Variants in FOXN3 observed in about 807,000 individuals in gnomAD.
FOXN3 encodes the protein forkhead box protein N3.
A neutral mutation model predicts 38.4 loss-of-function variants in FOXN3; 7 were observed. That is an observed-to-expected ratio of 0.18 (90% CI 0.10 to 0.34). The LOEUF (loss-of-function observed/expected upper bound fraction) is 0.34, where lower values mean the gene tolerates loss of function less well. FOXN3 is among the 10% of genes least tolerant of loss of function. FOXN3 has a pLI of 1.00. For synonymous variants in FOXN3, 230 were observed against 242.2 expected, an observed-to-expected ratio of 0.95 and a Z score of 0.47; for missense variants, 456 against 613.4, an observed-to-expected ratio of 0.74 and a Z score of 2.71.
intron 4 of FOXN3, among the ~76,000 whole-genome samples, chr14:89,209,182 G>T (rs542242013): frequency 1.3e-5 from 2 of 152,344 alleles, no homozygotes; most frequent in African/African-American, 4.8e-5. Flanking sequence ...CACAGAACCA[G>T]CTGTAGTTAC....
chr14:89,415,351 C>T (rs1377380918), intron 1 of FOXN3, among the ~76,000 whole-genome samples: 4 of 152,226 alleles, frequency 2.6e-5, no homozygotes, highest in Non-Finnish European at 5.9e-5. Flanking sequence ...GGAACTAACA[C>T]GCTATTCTCC....
chr14:89,522,123 T>C (rs1894332788), intron 1 of FOXN3, among the ~76,000 whole-genome samples: 1 of 151,888 alleles, frequency 6.6e-6, no homozygotes, highest in African/African-American at 2.4e-5. Context: ...TGTATCTTTA[T>C]TGCTCTGAAA....
rs1164015155 is a variant in FOXN3 at position 89,164,384 on chromosome 14, G to A, written c.852-1415C>T. 6.6e-6 allele frequency among the ~76,000 whole-genome samples: 1 copy of A among 152,194 alleles called. No individual in the cohort carries two copies. Among genetic ancestry groups the A allele is most frequent in the East Asian group, 1.9e-4 (1 of 5,198 alleles). On this transcript the variant is annotated intron_variant, in intron 5 of 5. Transcript: ENST00000557258. This position sits in a 1 kb window ranked among gnomAD's most constrained non-coding sequence, Gnocchi z 4.3. ...TGGCACCATGCTGGCCCGGTTTCCT[G>A]TAAGCTCATCTACCTCGTGATCCAT...
intron 3 of FOXN3, among the ~76,000 whole-genome samples, chr14:89,321,015 T>C (rs1887880045): frequency 6.6e-6 from 1 of 152,052 alleles, no homozygotes; most frequent in Non-Finnish European, 1.5e-5. Flanking sequence ...TGGCCAGGCA[T>C]GGTGGCTCAA....
chr14:89,355,114 C>G (rs1889156140), intron 2 of FOXN3: 3 of 146,030 alleles, frequency 2.1e-5, no homozygotes, highest in Non-Finnish European at 4.5e-5. Flanking sequence ...GAATAAAAAT[C>G]AACTCTCTAT....
rs78254927 is a variant in FOXN3, at chr14:89,548,129, T to C, written c.-15+70899A>G. ...TGAGTTGAAATAAAAAATATCTATG[T>C]GTTTTTAAACACAGCTTTGGGACAA... On this transcript the variant is annotated intron_variant, in intron 1 of 6. Coordinates refer to the FOXN3 transcript ENST00000345097. The surrounding 1 kb of genome is among the most constrained non-coding windows in gnomAD (Gnocchi z 4.8). 6.6e-5 allele frequency among the ~76,000 whole-genome samples: 10 copies of C among 152,338 alleles called. No homozygotes were observed. The highest frequency in any genetic ancestry group is 8.8e-5 in the Non-Finnish European group (6 of 68,030).
intron 2 of FOXN3, among the ~76,000 whole-genome samples, chr14:89,384,228 T>C (rs1311843737): frequency 6.6e-6 from 1 of 152,238 alleles, no homozygotes. Context: ...TGGCCAGCGA[T>C]GGATGGCTGC....
chr14:89,571,609 A>T (rs903603600), intron 1 of FOXN3, among the ~76,000 whole-genome samples: 2 of 152,190 alleles, frequency 1.3e-5, no homozygotes, highest in African/African-American at 4.8e-5. Context: ...TTTAGACATC[A>T]TGTACCACAC....
intron 5 of FOXN3, among the ~76,000 whole-genome samples, chr14:89,166,210 T>A (rs1887237114): frequency 6.6e-6 from 1 of 152,210 alleles, no homozygotes; most frequent in Admixed American, 6.5e-5. Flanking sequence ...CACACTATCA[T>A]AAGAGGAATG....
intron 1 of FOXN3, among the ~76,000 whole-genome samples, chr14:89,467,873 C>T (rs1223675942): frequency 8.8e-6 from 1 of 114,164 alleles, no homozygotes; most frequent in Non-Finnish European, 1.7e-5. Context: ...GGGTCTCAAA[C>T]TCCTGGCCTC....
At chr14:89,258,969 C>T (rs1475872302) in intron 4 of FOXN3, among the ~76,000 whole-genome samples, 1 of 152,206 alleles carries the variant, frequency 6.6e-6, no homozygotes, top group Non-Finnish European at 1.5e-5. Context: ...TCTGTGTTTC[C>T]AGCTCTGGCC....
chr14:89,278,574 AG>A (rs1276574869), intron 4 of FOXN3, among the ~76,000 whole-genome samples: 1 of 152,192 alleles, frequency 6.6e-6, no homozygotes, highest in African/African-American at 2.4e-5. Flanking sequence ...CTGGTCCCAC[AG>A]CACCCTAAAG....
intron 1 of FOXN3, among the ~76,000 whole-genome samples, chr14:89,415,592 AACAAC>A (rs1237272465): frequency 2.7e-5 from 4 of 147,702 alleles, no homozygotes; most frequent in Non-Finnish European, 4.5e-5. Flanking sequence ...AACAAAACAA[AACAAC>A]AATAACCAAA....
At chr14:89,296,273 TAC>T (rs1887038263) in intron 3 of FOXN3, among the ~76,000 whole-genome samples, 1 of 152,236 alleles carries the variant, frequency 6.6e-6, no homozygotes, top group Admixed American at 6.5e-5. Flanking sequence ...ATCTTTGTGC[TAC>T]ACAGTTTCTA....
At chr14:89,277,906 AT>A (rs1886345975) in intron 4 of FOXN3, among the ~76,000 whole-genome samples, 1 of 151,922 alleles carries the variant, frequency 6.6e-6, no homozygotes, top group Non-Finnish European at 1.5e-5. Context: ...TTCTCTGGTT[AT>A]TTCTCTTTCT....
intron 2 of FOXN3, among the ~76,000 whole-genome samples, chr14:89,398,627 T>C (rs1891161213): frequency 6.6e-6 from 1 of 152,132 alleles, no homozygotes; most frequent in South Asian, 2.1e-4. Context: ...AGAAGAGGTA[T>C]TCTGAGGGGA....
intron 4 of FOXN3, among the ~76,000 whole-genome samples, chr14:89,269,252 T>C (rs1341164756): frequency 6.6e-6 from 1 of 152,062 alleles, no homozygotes; most frequent in Non-Finnish European, 1.5e-5. Flanking sequence ...GGCCAACCAG[T>C]GTATGCTGCG....
chr14:89,605,854 C>G (rs779668409), intron 1 of FOXN3, among the ~76,000 whole-genome samples: 7 of 152,086 alleles, frequency 4.6e-5, no homozygotes, highest in Non-Finnish European at 1.0e-4. Flanking sequence ...GTAGCTCACA[C>G]TTGTAATACC....
intron 4 of FOXN3, among the ~76,000 whole-genome samples, chr14:89,268,483 C>A (rs540312514): frequency 2.0e-5 from 3 of 152,134 alleles, no homozygotes; most frequent in Non-Finnish European, 4.4e-5. Context: ...TCATGACTCT[C>A]GACTGTACAT....
Sources: gnomAD v4.1 joint callset for allele counts (sites outside exome capture counted in the v4.1 genomes callset) on GRCh38, gnomAD v4.1.1 for gene constraint, Gnocchi (gnomAD v3.1) non-coding constraint, MANE v1.5 for transcripts, NCBI Gene and HGNC (gene_info 2026-07-23, HGNC 2026-07-21) for gene names.